Variants in THSD7B observed in about 807,000 individuals in gnomAD.
The protein encoded by THSD7B is thrombospondin type 1 domain containing 7B.
A neutral mutation model predicts 213.6 loss-of-function variants in THSD7B; 138 were observed. The ratio of observed to expected loss-of-function variants is 0.65; its 90% CI spans 0.56 to 0.74. The LOEUF is 0.74. THSD7B is among the 30% of genes least tolerant of loss of function. THSD7B has a pLI of 0.00. For missense variants in THSD7B, 1,931 were observed against 1,991.5 expected (o/e 0.97, Z 0.58); for synonymous variants, 742 against 687.0 (o/e 1.08, Z -1.25).
intron 15 of THSD7B, among the ~76,000 whole-genome samples, chr2:137,481,004 C>A (rs1688294786): frequency 2.0e-5 from 3 of 152,154 alleles, no homozygotes. Flanking sequence ...GGTGAGTTCA[C>A]CCTTTTGTCT....
chr2:137,562,130 A>G (rs1350438450), intron 15 of THSD7B, among the ~76,000 whole-genome samples: 1 of 152,194 alleles, frequency 6.6e-6, no homozygotes, highest in East Asian at 1.9e-4. Flanking sequence ...TAGTAAAAAC[A>G]TACAAGCAAT....
chr2:137,641,893 T>C (rs1042924638), intron 20 of THSD7B, among the ~76,000 whole-genome samples: 6 of 152,172 alleles, frequency 3.9e-5, no homozygotes, highest in African/African-American at 1.4e-4. Context: ...AATTGTCTGT[T>C]TTGAATTAAT....
At chr2:137,018,399 C>G (rs1264102069) in intron 2 of THSD7B, among the ~76,000 whole-genome samples, 1 of 152,002 alleles carries the variant, frequency 6.6e-6, no homozygotes, top group Non-Finnish European at 1.5e-5. Flanking sequence ...CCAAAGAAAA[C>G]TAGTAGGAAT....
intron 7 of THSD7B, among the ~76,000 whole-genome samples, chr2:137,190,641 G>A (rs1558952477): frequency 6.6e-6 from 1 of 152,186 alleles, no homozygotes; most frequent in Admixed American, 6.5e-5. Flanking sequence ...ATGAGTCACA[G>A]TAACAACTTC....
intron 7 of THSD7B, among the ~76,000 whole-genome samples, chr2:137,215,855 T>C (rs539910684): frequency 2.0e-5 from 3 of 152,210 alleles, no homozygotes; most frequent in Non-Finnish European, 4.4e-5. Context: ...TAGGAAATTA[T>C]GCATTCCTTA....
At chr2:137,278,871 G>A (rs753507317) in intron 12 of THSD7B, among the ~76,000 whole-genome samples, 4 of 152,070 alleles carry the variant, frequency 2.6e-5, no homozygotes, top group Admixed American at 6.6e-5. Context: ...GAAATACAAA[G>A]TGTTGTAGAT....
At chr2:136,910,174 A>T (rs1054039112) in intron 2 of THSD7B, among the ~76,000 whole-genome samples, 12 of 152,074 alleles carry the variant, frequency 7.9e-5, no homozygotes, top group African/African-American at 2.4e-4. Flanking sequence ...AGCAAGGTGA[A>T]CTACAGACAA....
At chr2:136,904,475 T>A (rs1221677802) in intron 2 of THSD7B, among the ~76,000 whole-genome samples, 1 of 152,208 alleles carries the variant, frequency 6.6e-6, no homozygotes, top group Non-Finnish European at 1.5e-5. Context: ...GACAGGGGCA[T>A]GTTCTGGTAG....
intron 6 of THSD7B, among the ~76,000 whole-genome samples, chr2:137,169,499 G>A (rs1014199647): frequency 1.3e-5 from 2 of 151,942 alleles, no homozygotes; most frequent in African/African-American, 4.8e-5. Flanking sequence ...CCCTCCCCTT[G>A]TGGGAAGAGT....
intron 15 of THSD7B, among the ~76,000 whole-genome samples, chr2:137,559,450 A>G (rs1271924967): frequency 2.6e-5 from 4 of 152,220 alleles, no homozygotes; most frequent in Non-Finnish European, 1.5e-5. Flanking sequence ...CCTGACAAAA[A>G]CAAGAAATGG....
At chr2:136,893,524 A>C (rs1388304978) in intron 2 of THSD7B, among the ~76,000 whole-genome samples, 1 of 152,216 alleles carries the variant, frequency 6.6e-6, no homozygotes, top group Non-Finnish European at 1.5e-5. Context: ...CAAGTCAGAC[A>C]TATCAGAGTG....
At chr2:136,991,010 CT>C in intron 2 of THSD7B, 2 of 1,157,548 alleles carry the variant, frequency 1.7e-6, no homozygotes, top group Non-Finnish European at 2.3e-6. Flanking sequence ...AGGTGAATAC[CT>C]GTCCTCCCCA....
chr2:136,935,312 T>C (rs960067345), intron 2 of THSD7B, among the ~76,000 whole-genome samples: 1 of 152,178 alleles, frequency 6.6e-6, no homozygotes, highest in Non-Finnish European at 1.5e-5. Flanking sequence ...TTACTACACT[T>C]TTCTGAGCCT....
intron 2 of THSD7B, among the ~76,000 whole-genome samples, chr2:137,041,641 T>C (rs1172901791): frequency 6.7e-6 from 1 of 148,972 alleles, no homozygotes; most frequent in Non-Finnish European, 1.5e-5. Context: ...CAATATTATA[T>C]AATATGTATT....
chr2:137,644,998 C>G lies in THSD7B; in HGVS notation c.3945+2365C>G, dbSNP rs551214241. Among the ~76,000 whole-genome samples, 8 of 152,258 alleles carry G rather than the reference C, an allele frequency of 5.3e-5. No homozygotes were observed. In the South Asian group the frequency reaches 1.7e-3, roughly 32 times the overall value. ...CTGCTAACACATATACACACATATG[C>G]TCATAAATCTGCTTGAGGAGCTCAG... On this transcript the variant is annotated intron_variant, in intron 21 of 27. Coordinates refer to ENST00000409968, the MANE Select transcript of THSD7B (RefSeq NM_001316349.2).
chr2:136,768,571 T>C (rs943368622), intron 1 of THSD7B, among the ~76,000 whole-genome samples: 1 of 152,172 alleles, frequency 6.6e-6, no homozygotes, highest in East Asian at 1.9e-4. Flanking sequence ...AAATACATGA[T>C]TAAGACAAAC....
chr2:136,805,282 G>A (rs1682261987), intron 1 of THSD7B, among the ~76,000 whole-genome samples: 1 of 152,200 alleles, frequency 6.6e-6, no homozygotes, highest in Non-Finnish European at 1.5e-5. Flanking sequence ...GTAGCCACCT[G>A]TGTTTGCGGC....
intron 7 of THSD7B, among the ~76,000 whole-genome samples, chr2:137,210,360 T>C (rs1450742648): frequency 6.6e-6 from 1 of 152,036 alleles, no homozygotes; most frequent in Non-Finnish European, 1.5e-5. Flanking sequence ...AATTCTGTCA[T>C]GTGGAGTTGA....
chr2:137,102,504 G>A (rs1206602722), intron 4 of THSD7B, among the ~76,000 whole-genome samples: 2 of 152,102 alleles, frequency 1.3e-5, no homozygotes, highest in East Asian at 1.9e-4. Flanking sequence ...ACAACTCCTC[G>A]CCAGCAGGGG....
Sources: allele counts gnomAD v4.1 joint callset (sites outside exome capture counted in the v4.1 genomes callset), GRCh38; gene constraint gnomAD v4.1.1; transcripts MANE v1.5; gene names NCBI Gene and HGNC (gene_info 2026-07-23, HGNC 2026-07-21).